HLA-DQA1: variants seen among roughly 807,000 people sequenced by gnomAD.
The protein encoded by HLA-DQA1 is HLA class II histocompatibility antigen, DQ alpha 1 chain.
A neutral mutation model predicts 20.7 loss-of-function variants in HLA-DQA1; 10 were observed. The observed-to-expected ratio is 0.48, with a 90% CI of 0.30 to 0.82. The LOEUF is 0.82. Ranked by LOEUF, HLA-DQA1 falls within the 40% of genes least tolerant of loss-of-function variation. The pLI is 0.07. For missense variants in HLA-DQA1, 127 were observed against 293.0 expected, an observed-to-expected ratio of 0.43 and a Z score of 4.14; for synonymous variants, 39 against 109.2, an observed-to-expected ratio of 0.36 and a Z score of 4.01.
In HLA-DQA1 at chr6:32,638,107, C is replaced by T. The variant is rs2187668; in HGVS notation, c.82+567C>T. Among the ~76,000 whole-genome samples the T allele has an allele frequency of 3.3e-3, 427 of 127,560 alleles. 8 individuals carry two copies. The highest frequency in any genetic ancestry group is 0.018 in the Middle Eastern group (4 of 224). The allele number at this position is 127,560 out of a possible 152,430, so 83.7% of individuals were successfully genotyped here. ...CAATCATTTTACCACATGGTCCTCA[C>T]TTACTCTCAGCTGCCTCATATGTGT... On this transcript the variant is annotated intron_variant, in intron 1 of 4. Coordinates refer to ENST00000343139, the MANE Select transcript of HLA-DQA1 (RefSeq NM_002122.5).
At chr6:32,641,067 A>G (rs28383429) in intron 1 of HLA-DQA1, among the ~76,000 whole-genome samples, 13,340 of 93,430 alleles carry the variant, frequency 0.14, 2,579 homozygotes, top group East Asian at 0.18. Context: ...AGGAAATAGT[A>G]AAAATTGGAC....
downstream of HLA-DQA1, chr6:32,646,610 A>G (rs9273272): frequency 1.1e-5 from 1 of 93,000 alleles, no homozygotes; most frequent in East Asian, 3.3e-4. Flanking sequence ...AATCAAATGA[A>G]ATATGTCAGG....
the HLA-DQA1 span, among the ~76,000 whole-genome samples, chr6:32,655,258 T>TTTTTATTTTTTTAA: frequency 8.3e-6 from 1 of 120,600 alleles, no homozygotes; most frequent in Admixed American, 9.6e-5. Flanking sequence ...TAAAGTTTTC[T>TTTTTATTTTTTTAA]GTTTTTTAAA....
downstream of HLA-DQA1, among the ~76,000 whole-genome samples, chr6:32,650,844 T>TATAATAATAATA (rs199519440): frequency 3.1e-5 from 2 of 63,602 alleles, 1 homozygote; most frequent in Non-Finnish European, 6.3e-5. Context: ...GAGCTTAAAG[T>TATAATAATAATA]ATAATAATAA....
chr6:32,638,201 A>T (rs1781034559), intron 1 of HLA-DQA1, among the ~76,000 whole-genome samples: 1 of 107,724 alleles, frequency 9.3e-6, no homozygotes, highest in African/African-American at 3.3e-5. Context: ...CATGAATGTC[A>T]ATTTTTTTTA....
At chr6:32,637,590 G>C in intron 1 of HLA-DQA1, 50 bp downstream of exon 1, 1 of 841,670 alleles carries the variant, frequency 1.2e-6, no homozygotes, top group Admixed American at 3.0e-5. Flanking sequence ...ACAGTAAATT[G>C]AAGGAAAAGA....
chr6:32,637,919 G>T (rs9272466), intron 1 of HLA-DQA1, among the ~76,000 whole-genome samples: 12,568 of 101,604 alleles, frequency 0.12, 1,753 homozygotes, highest in East Asian at 0.25. Flanking sequence ...AAGCTTTTCG[G>T]ATGTCTCCGG....
chr6:32,640,554 C>G (rs9272645), intron 1 of HLA-DQA1, among the ~76,000 whole-genome samples: 4,388 of 35,568 alleles, frequency 0.12, 547 homozygotes, highest in East Asian at 0.27. Flanking sequence ...ATCTCCTTCA[C>G]AGGAAAAAAA....
chr6:32,639,270 T>G (rs28383368), intron 1 of HLA-DQA1: 39,667 of 126,038 alleles, frequency 0.31, 11,002 homozygotes, highest in Admixed American at 0.41. Flanking sequence ...TAATGGAATA[T>G]TAGAGCCTAA....
At chr6:32,642,384 T>TCTTTCTTTCTTTCTTTCTTTCTTTCTTTC in intron 3 of HLA-DQA1, 131 bp downstream of exon 3, 1 of 706,596 alleles carries the variant, frequency 1.4e-6, no homozygotes, top group Non-Finnish European at 2.2e-6. Flanking sequence ...TCTTTTTTTT[T>TCTTTCTTTCTTTCTTTCTTTCTTTCTTTC]TGAAAGAATA....
chr6:32,637,548 C>T lies in HLA-DQA1; in HGVS notation c.82+8C>T, dbSNP rs9272434. ...GAGGTGAAGACATTGTGGGTGAGTG[C>T]ATGAGTGAGGGATGTTCTCTGGAGC... On this transcript the variant is annotated splice_region_variant and intron_variant, in intron 1 of 4. Coordinates refer to ENST00000343139, the MANE Select transcript of HLA-DQA1 (RefSeq NM_002122.5). 0.028 allele frequency: 27,092 copies of T among 976,606 alleles called. 2,945 individuals are homozygous for T. Among genetic ancestry groups the T allele is most frequent in the Admixed American group, 0.085 (3,273 of 38,536 alleles). 60.5% of individuals were successfully genotyped at this position (976,606 alleles called of 1,614,324 possible). A position where few individuals can be genotyped will look rare whatever the true frequency, so the allele number is the denominator to read the frequency against.
intron 1 of HLA-DQA1, among the ~76,000 whole-genome samples, chr6:32,638,698 C>CAA (rs1561936840): frequency 7.9e-5 from 4 of 50,672 alleles, no homozygotes; most frequent in South Asian, 5.4e-4. Flanking sequence ...GGAAAGAAAG[C>CAA]GAGGAAGGAA....
At position 32,641,392 on chromosome 6, in the gene HLA-DQA1, T is replaced by A. The variant is rs1048027; in HGVS notation, c.165T>A (p.Asp55Glu). ...SGQYTHEFDG[D>E]EQFYVDLERK... ...AGTACACCCATGAATTTGATGGAGATGAGCAGTTCTACGTGGACCTGGAGA... is the reference window on the plus strand; with the variant it reads ...AGTACACCCATGAATTTGATGGAGAAGAGCAGTTCTACGTGGACCTGGAGA... The change falls in exon 2 of 5, where the codon GAT becomes GAA. Residue 55 changes from aspartate (D) to glutamate (E), a missense_variant. Physicochemically the swap from Asp to Glu is conservative, Grantham distance 45. Around this residue, in one of 4 missense-constraint regions of HLA-DQA1, gnomAD observed 15 missense variants for 56.2 expected, o/e 0.27. Coordinates refer to ENST00000343139, the MANE Select transcript of HLA-DQA1 (RefSeq NM_002122.5). 1.8e-6 allele frequency: 2 copies of A among 1,091,676 alleles called. No homozygotes were observed. The highest frequency in any genetic ancestry group is 2.6e-6 in the Non-Finnish European group (2 of 777,152). The allele number at this position is 1,091,676 out of a possible 1,614,324, so 67.6% of individuals were successfully genotyped here.
chr6:32,640,944 G>A (rs9272665), intron 1 of HLA-DQA1, among the ~76,000 whole-genome samples: 2,090 of 85,936 alleles, frequency 0.024, 103 homozygotes, highest in Middle Eastern at 0.11. Flanking sequence ...AGGAAGCAGA[G>A]GGAAGTAAAC....
In HLA-DQA1 at chr6:32,641,015, A is replaced by T. The variant is rs28383427; in HGVS notation, c.83-295A>T. Among the ~76,000 whole-genome samples the T allele has an allele frequency of 0.058, 5,410 of 93,918 alleles. 674 individuals carry two copies. The highest frequency in any genetic ancestry group is 0.096 in the East Asian group (300 of 3,128). 61.6% of individuals were successfully genotyped at this position (93,918 alleles called of 152,430 possible). On this transcript the variant is annotated intron_variant, in intron 1 of 4. Coordinates refer to ENST00000343139, the MANE Select transcript of HLA-DQA1 (RefSeq NM_002122.5). The stretch of plus-strand genomic sequence containing the variant: ...ACTCATTCATTCCTTCTTTTGTTCA[A>T]TTACATTATTTAATCATAAGTCCAT...
At chr6:32,640,509 T>C (rs41269959) in intron 1 of HLA-DQA1, among the ~76,000 whole-genome samples, 918 of 80,920 alleles carry the variant, frequency 0.011, 29 homozygotes, top group East Asian at 0.056. Context: ...AAGTGTGATA[T>C]AAGTGTTGAG....
intron 1 of HLA-DQA1, 40 bp from the exon 2 acceptor site, chr6:32,641,270 C>T (rs34857804): frequency 0.066 from 78,570 of 1,195,620 alleles, 17,441 homozygotes; most frequent in African/African-American, 0.11. Flanking sequence ...TCTTTCTTCC[C>T]CTGTTCTCCG....
chr6:32,641,280 G>T (rs9272687), intron 1 of HLA-DQA1, 30 bp from the exon 2 acceptor site: 1 of 1,170,906 alleles, frequency 8.5e-7, no homozygotes, highest in Non-Finnish European at 1.2e-6. Flanking sequence ...CCTGTTCTCC[G>T]CCTTCCTGCT....
chr6:32,655,012 G>A, the HLA-DQA1 span, among the ~76,000 whole-genome samples: 2,051 of 28,760 alleles, frequency 0.071, 670 homozygotes, highest in East Asian at 0.53. Flanking sequence ...CAGTCTAAGT[G>A]ACAGAGCAAG....
Sources: gnomAD v4.1 joint callset for allele counts (sites outside exome capture counted in the v4.1 genomes callset) on GRCh38, gnomAD v4.1.1 for gene constraint, gnomAD v4.1.1 regional missense constraint, MANE v1.5 for transcripts, NCBI Gene and HGNC (gene_info 2026-07-23, HGNC 2026-07-21) for gene names.